Variants in CYBRD1 observed in about 807,000 individuals in gnomAD.
CYBRD1 encodes the protein cytochrome b reductase 1, also known as plasma membrane ascorbate-dependent reductase CYBRD1.
Under a neutral mutation model 21.9 loss-of-function variants are expected in CYBRD1, and 14 were observed. The ratio of observed to expected loss-of-function variants is 0.64; its 90% CI spans 0.42 to 1.00. The LOEUF (loss-of-function observed/expected upper bound fraction) is 1.00. CYBRD1 is among the 50% of genes least tolerant of loss of function. CYBRD1 has a pLI of 0.00. For synonymous variants in CYBRD1, 146 were observed against 136.5 expected (o/e 1.07, Z -0.48); for missense variants, 328 against 352.5 (o/e 0.93, Z 0.56).
intron 2 of CYBRD1, among the ~76,000 whole-genome samples, chr2:171,542,171 A>G (rs749508757): frequency 1.3e-5 from 2 of 151,976 alleles, no homozygotes; most frequent in African/African-American, 2.4e-5. Context: ...GTGACTGTAA[A>G]TGTTTTCTAA....
chr2:171,529,130 C>T (rs1410449028), intron 1 of CYBRD1, among the ~76,000 whole-genome samples: 1 of 152,114 alleles, frequency 6.6e-6, no homozygotes, highest in Admixed American at 6.5e-5. Context: ...GTTCTTTAAA[C>T]CAGAGGGTCA....
chr2:171,542,619 C>T (rs1339762941), intron 2 of CYBRD1, among the ~76,000 whole-genome samples: 1 of 152,232 alleles, frequency 6.6e-6, no homozygotes, highest in Non-Finnish European at 1.5e-5. Context: ...CTGCTCACTC[C>T]TGTGATCCCA....
At chr2:171,535,309 A>G (rs1457160661) in intron 1 of CYBRD1, among the ~76,000 whole-genome samples, 1 of 152,202 alleles carries the variant, frequency 6.6e-6, no homozygotes, top group Non-Finnish European at 1.5e-5. Flanking sequence ...CAGGATAATA[A>G]TTGGTGTTTG....
chr2:171,538,875 G>T (rs1231742766), intron 1 of CYBRD1, among the ~76,000 whole-genome samples: 1 of 152,104 alleles, frequency 6.6e-6, no homozygotes, highest in African/African-American at 2.4e-5. Context: ...TTGGTTTACT[G>T]CAACCTCCGC....
At chr2:171,536,133 C>CTTTTTT (rs71013042) in intron 1 of CYBRD1, among the ~76,000 whole-genome samples, 2 of 110,298 alleles carry the variant, frequency 1.8e-5, no homozygotes, top group African/African-American at 3.6e-5. Context: ...GATAGTTACT[C>CTTTTTT]TTTTTTTTTT....
Position 171,555,474 on chromosome 2 carries a change from T to G in CYBRD1, c.*647T>G, listed in dbSNP as rs1423471803. 1 of 152,668 alleles carries G rather than the reference T, an allele frequency of 6.6e-6. No individual in the cohort carries two copies. The highest frequency in any genetic ancestry group is 1.5e-5 in the Non-Finnish European group (1 of 68,450). The allele number at this position is 152,668 out of a possible 1,614,324, so 9.5% of individuals were successfully genotyped here. ...AGGTGGTTGAAGAGATCTTCTCTGG[T>G]CAGACTTGGAAGAATTTCCAAAACT... On this transcript the variant is annotated 3_prime_UTR_variant, in exon 4 of 4. Coordinates refer to ENST00000321348, the MANE Select transcript of CYBRD1 (RefSeq NM_024843.4).
chr2:171,532,705 G>A (rs1369136093), intron 1 of CYBRD1, among the ~76,000 whole-genome samples: 2 of 152,062 alleles, frequency 1.3e-5, no homozygotes, highest in Non-Finnish European at 2.9e-5. Context: ...GGAGGCTGAG[G>A]CAGGAGAATA....
intron 2 of CYBRD1, among the ~76,000 whole-genome samples, chr2:171,548,488 A>C (rs552565805): frequency 6.6e-6 from 1 of 152,278 alleles, no homozygotes; most frequent in South Asian, 2.1e-4. Flanking sequence ...AGCATTCCCA[A>C]CACTCCGAAC....
chr2:171,529,932 T>A (rs1697439572), intron 1 of CYBRD1, among the ~76,000 whole-genome samples: 1 of 152,126 alleles, frequency 6.6e-6, no homozygotes, highest in South Asian at 2.1e-4. Flanking sequence ...GGAAATAGGA[T>A]CTTTGCAGAT....
intron 1 of CYBRD1, among the ~76,000 whole-genome samples, chr2:171,529,304 G>T (rs537677631): frequency 2.6e-5 from 4 of 152,290 alleles, no homozygotes; most frequent in Admixed American, 1.3e-4. Flanking sequence ...GGCCAAGGCA[G>T]GTGGATCACC....
At chr2:171,545,323 A>G (rs1242054552) in intron 2 of CYBRD1, among the ~76,000 whole-genome samples, 2 of 151,518 alleles carry the variant, frequency 1.3e-5, no homozygotes, top group Admixed American at 6.6e-5. Flanking sequence ...TAAATCATAA[A>G]TGGATGTGGA....
chr2:171,548,642 C>A (rs1697754290), intron 2 of CYBRD1, among the ~76,000 whole-genome samples: 1 of 116,124 alleles, frequency 8.6e-6, no homozygotes. Flanking sequence ...TCTACCTGTA[C>A]CCTAAAAAAA....
At chr2:171,547,023 A>G (rs1697726072) in intron 2 of CYBRD1, among the ~76,000 whole-genome samples, 1 of 152,198 alleles carries the variant, frequency 6.6e-6, no homozygotes, top group Non-Finnish European at 1.5e-5. Context: ...AAGTGGATAG[A>G]TTCTAAAGAT....
intron 1 of CYBRD1, among the ~76,000 whole-genome samples, chr2:171,531,959 TA>T (rs962937941): frequency 1.8e-4 from 28 of 152,210 alleles, no homozygotes; most frequent in African/African-American, 6.3e-4. Context: ...TTTCTAGGGC[TA>T]AAAATATCTT....
intron 1 of CYBRD1, among the ~76,000 whole-genome samples, chr2:171,540,303 A>G (rs1244410234): frequency 6.6e-6 from 1 of 152,206 alleles, no homozygotes. Context: ...TGAGATTGAC[A>G]TTATAGGTTG....
intron 1 of CYBRD1, among the ~76,000 whole-genome samples, chr2:171,533,770 C>CTTTTTTTT (rs10707105): frequency 3.1e-5 from 4 of 130,716 alleles, no homozygotes; most frequent in African/African-American, 5.7e-5. Context: ...TTCTTTCTTT[C>CTTTTTTTT]TTTTTTTTTT....
At chr2:171,546,730 G>A (rs567104788) in intron 2 of CYBRD1, among the ~76,000 whole-genome samples, 1 of 152,228 alleles carries the variant, frequency 6.6e-6, no homozygotes, top group Non-Finnish European at 1.5e-5. Flanking sequence ...GTATGTGAGA[G>A]CTCTCATATA....
chr2:171,544,091 A>G (rs1311273255), intron 2 of CYBRD1, among the ~76,000 whole-genome samples: 1 of 152,218 alleles, frequency 6.6e-6, no homozygotes, highest in Non-Finnish European at 1.5e-5. Flanking sequence ...TTTAAACTTT[A>G]AATCCTTGCT....
rs1491316856 is a variant in CYBRD1 at position 171,532,911 on chromosome 2, G to GTGTATA, written c.194-8673_194-8672insGTATAT. Among the ~76,000 whole-genome samples the GTGTATA allele has an allele frequency of 3.8e-3, 562 of 146,630 alleles. 7 individuals carry two copies. Among genetic ancestry groups the GTGTATA allele is most frequent in the African/African-American group, 0.014 (540 of 39,678 alleles). ...TGTGTGTGTGTGTGTGTGTGTGTGT[G>GTGTATA]TATGGAAACATGTTGTATAGCACAA... On this transcript the variant is annotated intron_variant, in intron 1 of 3. Transcript: ENST00000321348.
Sources: allele counts gnomAD v4.1 joint callset (sites outside exome capture counted in the v4.1 genomes callset), GRCh38; gene constraint gnomAD v4.1.1; transcripts MANE v1.5; gene names NCBI Gene and HGNC (gene_info 2026-07-23, HGNC 2026-07-21).